Variants in IQCE observed in about 807,000 individuals in gnomAD.
IQCE encodes IQ domain-containing protein E.
In IQCE, 115 loss-of-function variants were observed where a neutral mutation model predicts 96.0. That is an observed-to-expected ratio of 1.20 (90% CI 1.03 to 1.40). IQCE has a LOEUF of 1.40. Ranked by LOEUF, IQCE falls within the 40% of genes most tolerant of loss-of-function variation. The probability of loss-of-function intolerance (pLI) is 0.00; values close to 1 mark genes in which losing one functional copy is unlikely to be tolerated. For synonymous variants in IQCE, 412 were observed against 371.2 expected, an observed-to-expected ratio of 1.11 and a Z score of -1.26; for missense variants, 1,041 against 909.1, an observed-to-expected ratio of 1.15 and a Z score of -1.87.
chr7:2,593,169 C>G (rs372353390), intron 15 of IQCE, 43 bp downstream of exon 15: 3 of 1,569,738 alleles, frequency 1.9e-6, no homozygotes. Context: ...CAGGCGAGTC[C>G]GCACTCCTGC....
At chr7:2,565,215 A>G (rs926539423) in intron 1 of IQCE, among the ~76,000 whole-genome samples, 8 of 124,980 alleles carry the variant, frequency 6.4e-5, no homozygotes, top group Admixed American at 1.6e-4. Flanking sequence ...GTGTGATTTT[A>G]GGTGCGTGCA....
At chr7:2,592,991 ACG>A (rs778862918) in intron 14 of IQCE, 29 bp from the exon 15 acceptor site, 94 of 1,568,276 alleles carry the variant, frequency 6.0e-5, no homozygotes, top group Non-Finnish European at 7.8e-5. Context: ...GTTTTTGTGA[ACG>A]CTGACGAGTC....
intron 12 of IQCE, among the ~76,000 whole-genome samples, chr7:2,587,030 C>T (rs1783177145): frequency 6.6e-6 from 1 of 152,126 alleles, no homozygotes. Flanking sequence ...CTGCTGGTGG[C>T]CTGGATGGGG....
intron 17 of IQCE, among the ~76,000 whole-genome samples, chr7:2,600,158 T>C (rs1477845253): frequency 6.6e-6 from 1 of 152,178 alleles, no homozygotes; most frequent in Non-Finnish European, 1.5e-5. Flanking sequence ...TACAGAACGT[T>C]CCCTTTCCTG....
chr7:2,572,844 T>C, intron 5 of IQCE: 1 of 417,870 alleles, frequency 2.4e-6, no homozygotes, highest in Non-Finnish European at 4.7e-6. Context: ...GTGCCCGGCC[T>C]CTCTCTTTAT....
rs1783470363 is a variant in IQCE, at chr7:2,590,120, A to G, written c.1244+14A>G. The G allele has an allele frequency of 6.2e-7, 1 of 1,601,594 alleles. No individual in the cohort carries two copies. Among genetic ancestry groups the G allele is most frequent in the Non-Finnish European group, 8.5e-7 (1 of 1,172,668 alleles). ...GCTGCAGAGAGAGTAGGTCCTCCCA[A>G]GGCCCCGCCAGTGTCCCCACGGGCA... On this transcript the variant is annotated intron_variant, in intron 14 of 21. Coordinates refer to ENST00000402050, the MANE Select transcript of IQCE (RefSeq NM_152558.5).
At position 2,571,573 on chromosome 7, in the gene IQCE, C is replaced by G. The variant is rs1255069705; in HGVS notation, c.178C>G (p.Leu60Val). ...KPRKVASWRS[L>V]RTAGSMPLGG... ...GAGAAAAGTGGCCTCCTGGAGGTCC[C>G]TCAGGACGGCAGGGAGCATGCCTCT... The change falls in exon 4 of 22, where the codon CTC (leucine) becomes GTC (valine). Residue 60 changes from leucine to valine, a missense_variant. Coordinates refer to ENST00000402050, the MANE Select transcript of IQCE (RefSeq NM_152558.5). 11 of 1,604,760 alleles carry G rather than the reference C, an allele frequency of 6.9e-6. No individual in the cohort carries two copies. Among genetic ancestry groups the G allele is most frequent in the Non-Finnish European group, 5.9e-6 (7 of 1,179,972 alleles).
At chr7:2,583,441 G>A (rs548526400) in intron 9 of IQCE, among the ~76,000 whole-genome samples, 196 bp from the exon 10 acceptor site, 1 of 152,006 alleles carries the variant, frequency 6.6e-6, no homozygotes, top group African/African-American at 2.4e-5. Flanking sequence ...CCAGCGTGAG[G>A]AATTCTCCCA....
intron 16 of IQCE, among the ~76,000 whole-genome samples, chr7:2,595,225 T>C (rs1583484442): frequency 6.6e-6 from 1 of 152,204 alleles, no homozygotes; most frequent in Admixed American, 6.5e-5. Flanking sequence ...TAAAGAGTTT[T>C]CCAAATCTTG....
At chr7:2,577,838 C>T (rs1201268056) in intron 6 of IQCE, among the ~76,000 whole-genome samples, 26 of 90,826 alleles carry the variant, frequency 2.9e-4, no homozygotes, top group East Asian at 7.4e-4. Flanking sequence ...GTGCGGCGTG[C>T]GCGCATTGGC....
At chr7:2,598,698 ACT>A in intron 17 of IQCE, 66 bp downstream of exon 17, 16 of 1,371,780 alleles carry the variant, frequency 1.2e-5, no homozygotes, top group Non-Finnish European at 1.4e-5. Context: ...CAAGCCACTC[ACT>A]CTCCAGGAAT....
In IQCE at chr7:2,612,973, C is replaced by T. The variant is rs1016056123; in HGVS notation, c.*2811C>T. ...CCAAAGCAGGCCCCATCTACCACTT[C>T]AGGGTCGACGTTGGTGGCAGGTGTT... is the stretch of plus-strand genomic sequence containing the variant. On this transcript the variant is annotated 3_prime_UTR_variant, in exon 22 of 22. Coordinates refer to ENST00000402050, the MANE Select transcript of IQCE (RefSeq NM_152558.5). The T allele has an allele frequency of 3.3e-5, 5 of 152,260 alleles. No homozygotes were observed. Among genetic ancestry groups the T allele is most frequent in the Admixed American group, 2.6e-4 (4 of 15,290 alleles). 9.4% of individuals were successfully genotyped at this position (152,260 alleles called of 1,614,324 possible).
intron 20 of IQCE, 24 bp from the exon 21 acceptor site, chr7:2,607,100 C>G (rs368841461): frequency 4.5e-6 from 7 of 1,571,588 alleles, no homozygotes; most frequent in Non-Finnish European, 4.3e-6. Context: ...GCAGAATCAG[C>G]TGGCGTTTTC....
intron 16 of IQCE, chr7:2,597,216 C>T: frequency 2.2e-6 from 1 of 444,516 alleles, no homozygotes; most frequent in Non-Finnish European, 4.7e-6. Flanking sequence ...TGGTCTTCAG[C>T]TGTCCCGCAC....
In IQCE at chr7:2,612,566, GA is replaced by G. The variant is rs1381004693; in HGVS notation, c.*2405del. The G allele has an allele frequency of 6.7e-6, 1 of 150,004 alleles. No individual in the cohort carries two copies. The highest frequency in any genetic ancestry group is 1.9e-4 in the East Asian group (1 of 5,140). 9.3% of individuals were successfully genotyped at this position (150,004 alleles called of 1,614,324 possible). On this transcript the variant is annotated 3_prime_UTR_variant, in exon 22 of 22. Coordinates refer to ENST00000402050, the MANE Select transcript of IQCE (RefSeq NM_152558.5). ...AGCTGTGGGCGGGGCCTAGTCATGG[GA>G]GGGGTGAGCTGTGGGCGGGGCGAGC...
chr7:2,571,290 A>G (rs1781735877), intron 3 of IQCE: 1 of 462,292 alleles, frequency 2.2e-6, no homozygotes, highest in African/African-American at 2.0e-5. Flanking sequence ...AGGTATTGGT[A>G]TTATAGGCAT....
intron 16 of IQCE, among the ~76,000 whole-genome samples, chr7:2,595,437 C>T (rs1412313406): frequency 6.6e-6 from 1 of 152,200 alleles, no homozygotes; most frequent in African/African-American, 2.4e-5. Flanking sequence ...TGTGCCCTCC[C>T]TGCCGTCACT....
intron 18 of IQCE, among the ~76,000 whole-genome samples, chr7:2,603,597 C>T (rs1036762111): frequency 3.2e-4 from 48 of 152,320 alleles, no homozygotes; most frequent in African/African-American, 7.7e-4. Flanking sequence ...TGTGGCGTGA[C>T]GGAGATGCGT....
chr7:2,598,481 C>G lies in IQCE; in HGVS notation c.1457C>G (p.Ala486Gly), dbSNP rs865881860. ...EVPHKAQELP[A>G]PTPSSRHCEQ... is the part of the protein sequence containing the mutation. ...TTCCTGCAGGCCCAAGAGCTCCCAG[C>G]TCCCACTCCCAGCAGCAGGCACTGC... The change falls in exon 17 of 22, where the codon GCT (alanine) becomes GGT (glycine). Residue 486 changes from alanine to glycine, a missense_variant. Physicochemically the swap from Ala to Gly is moderately conservative, Grantham distance 60. Coordinates refer to ENST00000402050, the MANE Select transcript of IQCE (RefSeq NM_152558.5). 1 of 1,589,966 alleles carries G rather than the reference C, an allele frequency of 6.3e-7. No homozygotes were observed. The highest frequency in any genetic ancestry group is 8.6e-7 in the Non-Finnish European group (1 of 1,169,122).
Sources: allele counts gnomAD v4.1 joint callset (sites outside exome capture counted in the v4.1 genomes callset), GRCh38; gene constraint gnomAD v4.1.1; transcripts MANE v1.5; gene names NCBI Gene and HGNC (gene_info 2026-07-23, HGNC 2026-07-21).